GALNT13: variants seen among roughly 807,000 people sequenced by gnomAD.
GALNT13 encodes UDP-GalNAc:polypeptide N-acetylgalactosaminyltransferase 13.
In GALNT13, 28 loss-of-function variants were observed where a neutral mutation model predicts 64.2. The observed-to-expected ratio is 0.44, with a 90% CI of 0.32 to 0.60. The LOEUF is 0.60. GALNT13 is among the 20% of genes least tolerant of loss of function. The probability of loss-of-function intolerance (pLI) is 0.05; values close to 1 mark genes in which losing one functional copy is unlikely to be tolerated. For synonymous variants in GALNT13, 214 were observed against 224.6 expected, an observed-to-expected ratio of 0.95 and a Z score of 0.42; for missense variants, 577 against 669.8, an observed-to-expected ratio of 0.86 and a Z score of 1.53.
chr2:153,274,312 G>T, the GALNT13 span, among the ~76,000 whole-genome samples: 1 of 152,188 alleles, frequency 6.6e-6, no homozygotes, highest in Non-Finnish European at 1.5e-5. Flanking sequence ...CTGGGTCAGG[G>T]CCTATGTGGT....
At chr2:153,743,356 G>A in the GALNT13 span, among the ~76,000 whole-genome samples, 20 of 152,166 alleles carry the variant, frequency 1.3e-4, no homozygotes, top group Non-Finnish European at 2.8e-4. Context: ...TGCAATGAAC[G>A]TGGAAGTGCA....
chr2:153,375,073 T>G, the GALNT13 span, among the ~76,000 whole-genome samples: 2 of 152,186 alleles, frequency 1.3e-5, no homozygotes, highest in Non-Finnish European at 1.5e-5. Context: ...ATTTACTAGC[T>G]TCTGGAGTTT....
At chr2:153,933,713 G>A (rs900369597) in intron 2 of GALNT13, among the ~76,000 whole-genome samples, 1 of 151,996 alleles carries the variant, frequency 6.6e-6, no homozygotes, top group African/African-American at 2.4e-5. Flanking sequence ...TTGTTTGTTT[G>A]TTTGTTTTTT....
At chr2:153,402,249 A>G in the GALNT13 span, among the ~76,000 whole-genome samples, 11 of 151,606 alleles carry the variant, frequency 7.3e-5, no homozygotes, top group African/African-American at 2.7e-4. Flanking sequence ...AGTGTTGAAT[A>G]TTGGCCCCCA....
intron 4 of GALNT13, among the ~76,000 whole-genome samples, chr2:154,170,386 C>T (rs1685282812): frequency 6.6e-6 from 1 of 152,104 alleles, no homozygotes; most frequent in African/African-American, 2.4e-5. Flanking sequence ...ATCACACCCA[C>T]CAAAACTGTA....
At chr2:153,711,983 C>G in the GALNT13 span, among the ~76,000 whole-genome samples, 1 of 152,122 alleles carries the variant, frequency 6.6e-6, no homozygotes, top group Non-Finnish European at 1.5e-5. Context: ...GTAAAATACG[C>G]TACTTCTCCA....
At chr2:153,223,657 A>C in the GALNT13 span, among the ~76,000 whole-genome samples, 1 of 152,152 alleles carries the variant, frequency 6.6e-6, no homozygotes, top group African/African-American at 2.4e-5. Context: ...ATAACATCAA[A>C]ATTTGTGGGA....
the GALNT13 span, among the ~76,000 whole-genome samples, chr2:153,498,402 C>T: frequency 8.5e-5 from 13 of 152,298 alleles, 1 homozygote; most frequent in African/African-American, 2.4e-4. Flanking sequence ...CGCTATTGGC[C>T]CAGATCCCAT....
the GALNT13 span, among the ~76,000 whole-genome samples, chr2:153,576,423 T>G: frequency 6.6e-6 from 1 of 152,228 alleles, no homozygotes; most frequent in Non-Finnish European, 1.5e-5. Flanking sequence ...GGAACTTAAA[T>G]TCCAACAGCT....
At chr2:154,344,545 T>C (rs774223662) in intron 9 of GALNT13, among the ~76,000 whole-genome samples, 5 of 152,020 alleles carry the variant, frequency 3.3e-5, no homozygotes, top group Non-Finnish European at 7.4e-5. Context: ...GACCCTGTGA[T>C]GTAAGTGTTG....
chr2:153,108,038 C>T, the GALNT13 span, among the ~76,000 whole-genome samples: 298 of 152,150 alleles, frequency 2.0e-3, 2 homozygotes, highest in Non-Finnish European at 3.2e-3. Context: ...TCACCACACT[C>T]GGCTAATTTT....
At chr2:154,241,765 T>A (rs1689500190) in intron 4 of GALNT13, among the ~76,000 whole-genome samples, 1 of 152,192 alleles carries the variant, frequency 6.6e-6, no homozygotes, top group South Asian at 2.1e-4. Flanking sequence ...TTTCTTAGGT[T>A]TTTCTTAGAC....
the GALNT13 span, among the ~76,000 whole-genome samples, chr2:153,074,874 A>G: frequency 6.6e-6 from 1 of 152,160 alleles, no homozygotes; most frequent in African/African-American, 2.4e-5. Flanking sequence ...AGCTGAGATT[A>G]CATACATGCC....
At chr2:153,858,547 G>C in the GALNT13 span, among the ~76,000 whole-genome samples, 1 of 152,106 alleles carries the variant, frequency 6.6e-6, no homozygotes, top group South Asian at 2.1e-4. Flanking sequence ...AGTAAAATAA[G>C]ACCATTCTGA....
chr2:153,258,579 A>T, the GALNT13 span, among the ~76,000 whole-genome samples: 1 of 151,760 alleles, frequency 6.6e-6, no homozygotes, highest in Non-Finnish European at 1.5e-5. Context: ...TATTGTTTTG[A>T]TGTAGGTGCT....
intron 9 of GALNT13, among the ~76,000 whole-genome samples, chr2:154,328,827 A>G (rs1287436398): frequency 1.3e-5 from 2 of 152,148 alleles, no homozygotes; most frequent in Non-Finnish European, 2.9e-5. Flanking sequence ...TGTGAAAATG[A>G]GAAGATGATC....
the GALNT13 span, among the ~76,000 whole-genome samples, chr2:153,498,396 A>G: frequency 6.6e-6 from 1 of 152,158 alleles, no homozygotes; most frequent in Non-Finnish European, 1.5e-5. Flanking sequence ...GGCTAACGCT[A>G]TTGGCCCAGA....
At chr2:153,949,127 A>G (rs532782615) in intron 3 of GALNT13, among the ~76,000 whole-genome samples, 1 of 152,148 alleles carries the variant, frequency 6.6e-6, no homozygotes, top group Non-Finnish European at 1.5e-5. Context: ...TTTGTAGCCT[A>G]GGAGCAATAG....
rs1699213812 is a variant in GALNT13, at chr2:154,399,720, G to A, written c.1296+3590G>A. ...CATGAATTTTGGATAAAGGCATTCA[G>A]ACCATATCAAACTAAACCTTTTGTT... On this transcript the variant is annotated intron_variant, in intron 10 of 12. Transcript: ENST00000392825. Among the ~76,000 whole-genome samples, 3 of 152,108 alleles carry A rather than the reference G, an allele frequency of 2.0e-5. No homozygotes were observed. In the South Asian group the frequency reaches 6.2e-4, roughly 31 times the overall value.
Sources: gnomAD v4.1 joint callset for allele counts (sites outside exome capture counted in the v4.1 genomes callset) on GRCh38, gnomAD v4.1.1 for gene constraint, MANE v1.5 for transcripts, NCBI Gene and HGNC (gene_info 2026-07-23, HGNC 2026-07-21) for gene names.